DPP6: variants seen among roughly 807,000 people sequenced by gnomAD.
DPP6 encodes A-type potassium channel modulatory protein DPP6.
Under a neutral mutation model 122.6 loss-of-function variants are expected in DPP6, and 69 were observed. That is an observed-to-expected ratio of 0.56 (90% confidence interval 0.46 to 0.69). The LOEUF (loss-of-function observed/expected upper bound fraction) is 0.69, where lower values mean the gene tolerates loss of function less well. Ranked by LOEUF, DPP6 falls within the 30% of genes least tolerant of loss-of-function variation. DPP6 has a pLI of 0.00. For synonymous variants in DPP6, 418 were observed against 433.1 expected (o/e 0.97, Z 0.43); for missense variants, 928 against 1,116.9 (o/e 0.83, Z 2.41).
intron 1 of DPP6, among the ~76,000 whole-genome samples, chr7:154,362,033 G>A (rs1398329072): frequency 6.6e-6 from 1 of 152,206 alleles, no homozygotes; most frequent in African/African-American, 2.4e-5. Flanking sequence ...CACAAGAGGG[G>A]AACCACTGTG....
intron 1 of DPP6, among the ~76,000 whole-genome samples, chr7:154,141,718 C>A (rs1228029023): frequency 6.6e-6 from 1 of 152,272 alleles, no homozygotes; most frequent in African/African-American, 2.4e-5. Context: ...TACAGTTGTA[C>A]CTAGCATGCA....
intron 1 of DPP6, among the ~76,000 whole-genome samples, chr7:154,148,715 G>A (rs867924484): frequency 7.1e-6 from 1 of 140,528 alleles, no homozygotes; most frequent in African/African-American, 2.8e-5. Flanking sequence ...CATTAAAGGA[G>A]ACGTGCTATT....
chr7:154,883,919 CGCTCACACAT>C (rs1383410258), intron 21 of DPP6: 4 of 122,846 alleles, frequency 3.3e-5, no homozygotes, highest in South Asian at 2.5e-4. Flanking sequence ...TGCTCACACA[CGCTCACACAT>C]ACACACGAGT....
intron 1 of DPP6, among the ~76,000 whole-genome samples, chr7:153,935,969 T>C (rs1314580850): frequency 2.0e-5 from 3 of 152,208 alleles, no homozygotes; most frequent in African/African-American, 7.2e-5. Context: ...CATGTGATGA[T>C]CTAATCAGCA....
At chr7:154,634,592 G>A (rs73489824) in intron 5 of DPP6, among the ~76,000 whole-genome samples, 10,411 of 151,928 alleles carry the variant, frequency 0.069, 1,168 homozygotes, top group African/African-American at 0.24. Flanking sequence ...CTTGCCTAAC[G>A]GTACAGACGA....
chr7:154,000,289 G>A (rs1211323863), intron 1 of DPP6, among the ~76,000 whole-genome samples: 3 of 152,146 alleles, frequency 2.0e-5, no homozygotes, highest in South Asian at 2.1e-4. Context: ...AAAACTCAGC[G>A]CAGATCCCAG....
At chr7:154,782,972 C>CG (rs1384888525) in intron 10 of DPP6, among the ~76,000 whole-genome samples, 1 of 151,914 alleles carries the variant, frequency 6.6e-6, no homozygotes, top group East Asian at 1.9e-4. Context: ...TTAGTAGAGA[C>CG]GGGGTTCCAC....
At chr7:154,505,751 A>G (rs1825616458) in intron 3 of DPP6, among the ~76,000 whole-genome samples, 1 of 152,198 alleles carries the variant, frequency 6.6e-6, no homozygotes, top group Non-Finnish European at 1.5e-5. Flanking sequence ...AACATGATTT[A>G]TGGCCATTGG....
chr7:154,885,813 C>T (rs746337971), intron 22 of DPP6, 69 bp downstream of exon 22: 162 of 1,535,004 alleles, frequency 1.1e-4, no homozygotes, highest in Non-Finnish European at 1.4e-4. Context: ...CCTGCGTGGC[C>T]CCACAGCCCT....
chr7:154,278,859 G>T (rs1302129220), intron 1 of DPP6, among the ~76,000 whole-genome samples: 1 of 150,806 alleles, frequency 6.6e-6, no homozygotes, highest in Non-Finnish European at 1.5e-5. Context: ...TGTGTGTTTG[G>T]TGTGTGTATA....
intron 1 of DPP6, among the ~76,000 whole-genome samples, chr7:154,015,929 T>C (rs1459322459): frequency 7.9e-5 from 12 of 152,068 alleles, no homozygotes; most frequent in Admixed American, 7.2e-4. Flanking sequence ...AGACCGAAGC[T>C]CCTTACTGAC....
chr7:153,879,225 C>T, the DPP6 span, among the ~76,000 whole-genome samples: 1 of 152,034 alleles, frequency 6.6e-6, no homozygotes, highest in Admixed American at 6.6e-5. Flanking sequence ...AGTTGTCCAG[C>T]AGAGAGAAGT....
At chr7:154,106,917 T>G (rs1304362716) in intron 1 of DPP6, among the ~76,000 whole-genome samples, 1 of 151,770 alleles carries the variant, frequency 6.6e-6, no homozygotes, top group East Asian at 1.9e-4. Context: ...CCTTGAAAAG[T>G]GAATGTGGAC....
chr7:154,161,445 C>T (rs1796978985), intron 1 of DPP6, among the ~76,000 whole-genome samples: 1 of 151,844 alleles, frequency 6.6e-6, no homozygotes, highest in Non-Finnish European at 1.5e-5. Context: ...TGCAGTGAGC[C>T]GAGATCATAC....
At chr7:154,035,603 T>C (rs544130880) in intron 1 of DPP6, among the ~76,000 whole-genome samples, 10 of 151,952 alleles carry the variant, frequency 6.6e-5, no homozygotes, top group Admixed American at 3.3e-4. Context: ...CCATCTCTCT[T>C]TATTGATAGC....
intron 15 of DPP6, 118 bp downstream of exon 15, chr7:154,805,082 A>G: frequency 7.3e-7 from 1 of 1,360,968 alleles, no homozygotes; most frequent in Non-Finnish European, 1.0e-6. Context: ...ACCCCACCAC[A>G]GAGGAGTAGC....
At chr7:154,751,323 G>T (rs111242651) in intron 8 of DPP6, among the ~76,000 whole-genome samples, 1 of 152,062 alleles carries the variant, frequency 6.6e-6, no homozygotes, top group Non-Finnish European at 1.5e-5. Flanking sequence ...AAAACTGGCC[G>T]GCACGATGGC....
chr7:154,489,154 T>A (rs1279163379), intron 3 of DPP6, among the ~76,000 whole-genome samples: 1 of 152,196 alleles, frequency 6.6e-6, no homozygotes, highest in Non-Finnish European at 1.5e-5. Flanking sequence ...AACAACTGCA[T>A]GGCCTGGTTG....
intron 1 of DPP6, among the ~76,000 whole-genome samples, chr7:154,165,952 T>C (rs1454820293): frequency 6.6e-6 from 1 of 152,218 alleles, no homozygotes; most frequent in Non-Finnish European, 1.5e-5. Flanking sequence ...CAGTTTAAAA[T>C]GAGCAGTTTT....
Sources: gnomAD v4.1 joint callset for allele counts (sites outside exome capture counted in the v4.1 genomes callset) on GRCh38, gnomAD v4.1.1 for gene constraint, MANE v1.5 for transcripts, NCBI Gene and HGNC (gene_info 2026-07-23, HGNC 2026-07-21) for gene names.